ZNF567: variants seen among roughly 807,000 people sequenced by gnomAD.
ZNF567 encodes the protein zinc finger protein 567.
In ZNF567, 36 loss-of-function variants were observed where a neutral mutation model predicts 53.9. That is an observed-to-expected ratio of 0.67 (90% CI 0.51 to 0.88). The LOEUF is 0.88. Among genes scored for constraint, ZNF567 ranks in the 40% least tolerant of loss-of-function variants. The probability of loss-of-function intolerance (pLI) is 0.00; values close to 1 mark genes in which losing one functional copy is unlikely to be tolerated. For synonymous variants in ZNF567, 224 were observed against 260.4 expected (o/e 0.86, Z 1.35); for missense variants, 619 against 764.7 (o/e 0.81, Z 2.25).
At position 36,720,391 on chromosome 19, in the gene ZNF567, C is replaced by T. The variant is rs745326808; in HGVS notation, c.1667C>T (p.Thr556Ile). 1.2e-6 allele frequency: 2 copies of T among 1,614,036 alleles called. No homozygotes were observed. Among genetic ancestry groups the T allele is most frequent in the Non-Finnish European group, 8.5e-7 (1 of 1,180,012 alleles). Residue 556 changes from threonine (T) to isoleucine (I), a missense_variant, in exon 6 of 6, where the codon ACC becomes ATC. Physicochemically the swap from Thr to Ile is moderately conservative, Grantham distance 89. Transcript: ENST00000682579. ...ATLTVHQKIH[T>I]GQKSYECPQC... is the part of the protein sequence containing the mutation. Reference sequence around the variant, plus strand: ...CTCACTGTACATCAGAAAATACATACCGGCCAGAAATCCTATGAATGTCCT... The same window carrying T: ...CTCACTGTACATCAGAAAATACATATCGGCCAGAAATCCTATGAATGTCCT...
downstream of ZNF567, among the ~76,000 whole-genome samples, chr19:36,722,352 A>G (rs1483435228): frequency 6.6e-6 from 1 of 152,146 alleles, no homozygotes; most frequent in Non-Finnish European, 1.5e-5. Context: ...TCCAGGCTGG[A>G]GTGCAATGAC....
chr19:36,726,955 T>G (rs895110422), downstream of ZNF567: 1 of 151,764 alleles, frequency 6.6e-6, no homozygotes, highest in Middle Eastern at 3.2e-3. Context: ...CATCAGGTGT[T>G]TTGAGTTTCT....
chr19:36,715,509 A>AATAATTATTATT (rs1309147349), intron 5 of ZNF567, among the ~76,000 whole-genome samples: 62 of 45,824 alleles, frequency 1.4e-3, no homozygotes, highest in Non-Finnish European at 1.7e-3. Context: ...TAATAATAAT[A>AATAATTATTATT]ATTATTATTA....
upstream of ZNF567, among the ~76,000 whole-genome samples, chr19:36,683,352 G>GTGAGCTA (rs532098037): frequency 1.2e-3 from 179 of 152,228 alleles, no homozygotes; most frequent in Non-Finnish European, 2.2e-3. Context: ...GATTACAGGG[G>GTGAGCTA]TGAGCTATAC....
At chr19:36,676,055 CTTTTTTTTT>C in the ZNF567 span, among the ~76,000 whole-genome samples, 4 of 60,598 alleles carry the variant, frequency 6.6e-5, no homozygotes, top group Non-Finnish European at 6.1e-5. Flanking sequence ...TATTCTACAC[CTTTTTTTTT>C]TTTTTTTTTT....
At chr19:36,694,742 A>C in intron 2 of ZNF567, 60 bp from the exon 3 acceptor site, 1 of 793,320 alleles carries the variant, frequency 1.3e-6, no homozygotes, top group Non-Finnish European at 2.0e-6. Context: ...TAGAATTATA[A>C]GAGCTGTGAG....
At chr19:36,724,513 T>C (rs1193813858), downstream of ZNF567, among the ~76,000 whole-genome samples, 1 of 151,342 alleles carries the variant, frequency 6.6e-6, no homozygotes, top group Non-Finnish European at 1.5e-5. Flanking sequence ...CGAAACCCCA[T>C]CTCTACTAAA....
chr19:36,714,257 G>C (rs1038838490), intron 5 of ZNF567: 6 of 301,830 alleles, frequency 2.0e-5, no homozygotes, highest in African/African-American at 4.3e-5. Context: ...CGCCTCCCAG[G>C]TTCAAATGAT....
chr19:36,672,724 C>G, the ZNF567 span, among the ~76,000 whole-genome samples: 4 of 152,128 alleles, frequency 2.6e-5, no homozygotes, highest in African/African-American at 9.7e-5. Context: ...TTTTTTCTTA[C>G]TGGAATACAC....
chr19:36,675,070 T>C, the ZNF567 span, among the ~76,000 whole-genome samples: 2 of 152,322 alleles, frequency 1.3e-5, no homozygotes, highest in East Asian at 3.9e-4. Flanking sequence ...TTTTTTAATC[T>C]ACTTTTTGAA....
intron 2 of ZNF567, among the ~76,000 whole-genome samples, chr19:36,690,965 G>A (rs2038575185): frequency 6.6e-6 from 1 of 152,146 alleles, no homozygotes; most frequent in African/African-American, 2.4e-5. Context: ...AGGGTCATTG[G>A]ATCTACATCA....
intron 5 of ZNF567, among the ~76,000 whole-genome samples, chr19:36,714,073 G>A (rs1233103271): frequency 6.6e-6 from 1 of 152,164 alleles, no homozygotes; most frequent in Admixed American, 6.5e-5. Flanking sequence ...ATTAGCTCGT[G>A]TATCTTTTTC....
intron 5 of ZNF567, among the ~76,000 whole-genome samples, chr19:36,717,081 C>T (rs1317460889): frequency 6.6e-6 from 1 of 152,042 alleles, no homozygotes; most frequent in Non-Finnish European, 1.5e-5. Context: ...CCCGCTTCGG[C>T]TTGCCAAAGT....
intron 2 of ZNF567, among the ~76,000 whole-genome samples, chr19:36,690,674 C>A (rs1044389776): frequency 6.6e-6 from 1 of 152,152 alleles, no homozygotes; most frequent in Non-Finnish European, 1.5e-5. Flanking sequence ...GGCATGCATT[C>A]TTTTGGAGTT....
the ZNF567 span, among the ~76,000 whole-genome samples, chr19:36,675,172 A>G: frequency 6.6e-6 from 1 of 152,242 alleles, no homozygotes; most frequent in Non-Finnish European, 1.5e-5. Context: ...TAACAAGTAT[A>G]CTTAAGTTTA....
At chr19:36,688,247 A>AGTCCCAGC (rs2038368347) in intron 1 of ZNF567, among the ~76,000 whole-genome samples, 1 of 152,050 alleles carries the variant, frequency 6.6e-6, no homozygotes, top group Non-Finnish European at 1.5e-5. Flanking sequence ...GTAGTGGGTG[A>AGTCCCAGC]TACAGCTATG....
At position 36,720,374 on chromosome 19, in the gene ZNF567, A is replaced by C; in HGVS notation, c.1650A>C (p.Val550=). 2 of 1,614,098 alleles carry C rather than the reference A, an allele frequency of 1.2e-6. No individual in the cohort carries two copies. Among genetic ancestry groups the C allele is most frequent in the Non-Finnish European group, 1.7e-6 (2 of 1,180,012 alleles). ...KSFRQKATLT[V]HQKIHTGQKS... ...TTCGCCAGAAAGCAACCCTCACTGT[A>C]CATCAGAAAATACATACCGGCCAGA... Residue 550 remains valine (V), a synonymous_variant, in exon 6 of 6, where the codon GTA becomes GTC. Transcript: ENST00000682579.
downstream of ZNF567, among the ~76,000 whole-genome samples, chr19:36,724,983 G>A (rs1337645877): frequency 6.6e-6 from 1 of 151,818 alleles, no homozygotes; most frequent in Admixed American, 6.6e-5. Flanking sequence ...TTGTGTTTCT[G>A]TAATGATTAA....
intron 5 of ZNF567, among the ~76,000 whole-genome samples, chr19:36,713,969 C>T (rs1157139810): frequency 6.6e-6 from 1 of 152,080 alleles, no homozygotes; most frequent in Non-Finnish European, 1.5e-5. Context: ...ATATCACTCT[C>T]CCCAAATACA....
Sources: allele counts gnomAD v4.1 joint callset (sites outside exome capture counted in the v4.1 genomes callset), GRCh38; gene constraint gnomAD v4.1.1; transcripts MANE v1.5; gene names NCBI Gene and HGNC (gene_info 2026-07-23, HGNC 2026-07-21).